Variants in PTPRG observed in about 807,000 individuals in gnomAD.
PTPRG encodes the protein receptor-type tyrosine-protein phosphatase gamma.
PTPRG carries 102 observed loss-of-function variants against 165.3 expected under a neutral mutation model. That is an observed-to-expected ratio of 0.62 (90% CI 0.53 to 0.73). The LOEUF is 0.73. Ranked by LOEUF, PTPRG falls within the 30% of genes least tolerant of loss-of-function variation. The pLI is 0.00. For synonymous variants in PTPRG, 675 were observed against 669.5 expected, an observed-to-expected ratio of 1.01 and a Z score of -0.13; for missense variants, 1,866 against 1,861.4, an observed-to-expected ratio of 1.00 and a Z score of -0.05.
intron 2 of PTPRG, among the ~76,000 whole-genome samples, chr3:61,955,191 C>T (rs1162864688): frequency 1.3e-5 from 2 of 152,198 alleles, no homozygotes; most frequent in Non-Finnish European, 2.9e-5. Flanking sequence ...TGTTCTGCTT[C>T]AGTCTTTTTC....
At chr3:61,647,635 C>G (rs1702238753) in intron 1 of PTPRG, among the ~76,000 whole-genome samples, 1 of 151,754 alleles carries the variant, frequency 6.6e-6, no homozygotes, top group Admixed American at 6.6e-5. Flanking sequence ...CTAAAAAATA[C>G]AAAAAAATTA....
At chr3:62,004,502 A>G (rs996187) in intron 4 of PTPRG, among the ~76,000 whole-genome samples, 72,781 of 152,068 alleles carry the variant, frequency 0.48, 17,618 homozygotes, top group African/African-American at 0.52. Flanking sequence ...GCCCCTCCTT[A>G]GTTCTTGTTT....
At chr3:61,911,253 A>T (rs779654056) in intron 2 of PTPRG, among the ~76,000 whole-genome samples, 10 of 152,202 alleles carry the variant, frequency 6.6e-5, no homozygotes, top group Non-Finnish European at 1.2e-4. Flanking sequence ...CTTCGTAATC[A>T]TGAGGTCAGT....
intron 1 of PTPRG, among the ~76,000 whole-genome samples, chr3:61,745,478 G>T (rs560744659): frequency 1.3e-5 from 2 of 152,286 alleles, no homozygotes; most frequent in African/African-American, 2.4e-5. Context: ...ACGCCATGCA[G>T]CATGTACTTT....
At chr3:61,772,625 A>G (rs1289101255) in intron 2 of PTPRG, among the ~76,000 whole-genome samples, 1 of 152,160 alleles carries the variant, frequency 6.6e-6, no homozygotes, top group Non-Finnish European at 1.5e-5. Flanking sequence ...TTCACAATGT[A>G]GAGTAGATAT....
chr3:61,715,321 A>G (rs899664324), intron 1 of PTPRG, among the ~76,000 whole-genome samples: 1 of 151,674 alleles, frequency 6.6e-6, no homozygotes, highest in African/African-American at 2.4e-5. Flanking sequence ...GACTTAAGCC[A>G]TCCTCCCACT....
chr3:61,568,884 T>C (rs1699990592), intron 1 of PTPRG, among the ~76,000 whole-genome samples: 1 of 147,188 alleles, frequency 6.8e-6, no homozygotes, highest in Non-Finnish European at 1.5e-5. Flanking sequence ...CTGCAGCCTG[T>C]GCGACAGAGC....
intron 5 of PTPRG, among the ~76,000 whole-genome samples, chr3:62,087,067 G>C (rs574716835): frequency 2.4e-4 from 36 of 152,310 alleles, no homozygotes; most frequent in African/African-American, 8.4e-4. Context: ...ATCATTGAAT[G>C]ATAGTTTAAA....
intron 1 of PTPRG, among the ~76,000 whole-genome samples, chr3:61,576,425 A>G (rs1700175276): frequency 6.6e-6 from 1 of 152,176 alleles, no homozygotes; most frequent in South Asian, 2.1e-4. Flanking sequence ...AGTGAACAGC[A>G]TATGTCTTCT....
chr3:61,928,664 C>T lies in PTPRG; in HGVS notation c.191-60961C>T, dbSNP rs372072030. ...CTATGCTTTTAAGAAGACAAAAACA[C>T]TGGTTTGATTTTTTTTTCATTTCAG... On this transcript the variant is annotated intron_variant, in intron 2 of 29. Coordinates refer to ENST00000474889, the MANE Select transcript of PTPRG (RefSeq NM_002841.4). Among the ~76,000 whole-genome samples the T allele has an allele frequency of 2.6e-5, 4 of 152,042 alleles. No homozygotes were observed. In the East Asian group the frequency reaches 5.8e-4, roughly 22 times the overall value.
At chr3:61,868,050 C>T (rs954545499) in intron 2 of PTPRG, among the ~76,000 whole-genome samples, 5 of 152,144 alleles carry the variant, frequency 3.3e-5, no homozygotes, top group Admixed American at 6.5e-5. Flanking sequence ...AGTCTGATAC[C>T]TGTAGTCCCC....
At chr3:62,169,398 A>C (rs1358025905) in intron 8 of PTPRG, among the ~76,000 whole-genome samples, 1 of 152,128 alleles carries the variant, frequency 6.6e-6, no homozygotes, top group East Asian at 1.9e-4. Flanking sequence ...TATTTTTTTA[A>C]CCTATTATTT....
intron 4 of PTPRG, among the ~76,000 whole-genome samples, chr3:62,006,208 G>A (rs889682243): frequency 2.0e-5 from 3 of 152,166 alleles, no homozygotes; most frequent in African/African-American, 7.2e-5. Context: ...TCTCATTGAG[G>A]TCCATCTGAT....
intron 6 of PTPRG, among the ~76,000 whole-genome samples, chr3:62,136,998 G>C (rs1346217943): frequency 6.6e-6 from 1 of 152,066 alleles, no homozygotes; most frequent in Non-Finnish European, 1.5e-5. Context: ...CATTTGTCTA[G>C]GCAAATTGTG....
At position 62,168,139 on chromosome 3, in the gene PTPRG, C is replaced by T; in HGVS notation, c.1009C>T (p.Pro337Ser). Residue 337 changes from proline (P) to serine (S), a missense_variant, in exon 8 of 30, where the codon CCA becomes TCA. Physicochemically the swap from Pro to Ser is moderately conservative, Grantham distance 74. Around this residue, in one of 3 missense-constraint regions of PTPRG, gnomAD observed 1,452 missense variants for 1,463.0 expected, o/e 0.99. Transcript: ENST00000474889. ...NHDMTDFLEN[P>S]LGTEASKVCS... ...CGACATGACAGACTTCTTAGAAAAC[C>T]CACTGGGGACAGAAGCCTCTAAAGG... is the stretch of plus-strand genomic sequence containing the variant. The T allele has an allele frequency of 6.2e-7, 1 of 1,614,020 alleles. No homozygotes were observed. Among genetic ancestry groups the T allele is most frequent in the Non-Finnish European group, 8.5e-7 (1 of 1,179,956 alleles).
At position 62,273,945 on chromosome 3, in the gene PTPRG, A is replaced by G; in HGVS notation, c.3465+101A>G. The G allele has an allele frequency of 1.7e-6, 2 of 1,159,142 alleles. No individual in the cohort carries two copies. Among genetic ancestry groups the G allele is most frequent in the Non-Finnish European group, 2.5e-6 (2 of 810,728 alleles). 71.8% of individuals were successfully genotyped at this position (1,159,142 alleles called of 1,614,324 possible). On this transcript the variant is annotated intron_variant, in intron 23 of 29. Coordinates refer to ENST00000474889, the MANE Select transcript of PTPRG (RefSeq NM_002841.4). This position sits in a 1 kb window ranked among gnomAD's most constrained non-coding sequence, Gnocchi z 4.1. ...TCTTTGCATTAATGTATACACCGAA[A>G]TGGATTACTATTTGTACTCCTTGTA... is the stretch of plus-strand genomic sequence containing the variant.
chr3:61,688,396 G>A (rs527566600), intron 1 of PTPRG, among the ~76,000 whole-genome samples: 6 of 152,130 alleles, frequency 3.9e-5, no homozygotes, highest in Non-Finnish European at 7.3e-5. Flanking sequence ...TTGAGGCATC[G>A]GAGCTAGAAT....
chr3:61,696,472 A>C (rs1422635095), intron 1 of PTPRG, among the ~76,000 whole-genome samples: 1 of 152,210 alleles, frequency 6.6e-6, no homozygotes, highest in Non-Finnish European at 1.5e-5. Context: ...ATTGCACTCC[A>C]TCCTGGGCGA....
Position 61,966,169 on chromosome 3 carries a change from C to G in PTPRG, c.191-23456C>G, listed in dbSNP as rs149483854. On this transcript the variant is annotated intron_variant, in intron 2 of 29. Coordinates refer to ENST00000474889, the MANE Select transcript of PTPRG (RefSeq NM_002841.4). ...ACATTTACATGTGATATTTGGTTATCGAGTTTAACTAAGGAATCATCTCGC... is the reference window on the plus strand; with the variant it reads ...ACATTTACATGTGATATTTGGTTATGGAGTTTAACTAAGGAATCATCTCGC... Among the ~76,000 whole-genome samples, 4 of 152,098 alleles carry G rather than the reference C, an allele frequency of 2.6e-5. No homozygotes were observed. In the South Asian group the frequency reaches 6.2e-4, roughly 24 times the overall value.
Sources: allele counts gnomAD v4.1 joint callset (sites outside exome capture counted in the v4.1 genomes callset), GRCh38; gene constraint gnomAD v4.1.1; regional missense constraint gnomAD v4.1.1; non-coding constraint Gnocchi (gnomAD v3.1); transcripts MANE v1.5; gene names NCBI Gene and HGNC (gene_info 2026-07-23, HGNC 2026-07-21).